LARP4: variants seen among roughly 807,000 people sequenced by gnomAD.
LARP4 encodes La ribonucleoprotein 4.
LARP4 carries 29 observed loss-of-function variants against 92.9 expected under a neutral mutation model. The ratio of observed to expected loss-of-function variants is 0.31; its 90% CI spans 0.23 to 0.43. The LOEUF (loss-of-function observed/expected upper bound fraction) is 0.43, where lower values mean the gene tolerates loss of function less well. Among genes scored for constraint, LARP4 ranks in the 20% least tolerant of loss-of-function variants. The probability of loss-of-function intolerance (pLI) is 1.00; values close to 1 mark genes in which losing one functional copy is unlikely to be tolerated. For synonymous variants in LARP4, 279 were observed against 284.1 expected (o/e 0.98, Z 0.18); for missense variants, 732 against 860.0 (o/e 0.85, Z 1.86).
chr12:50,456,632 G>A (rs1238059949), intron 10 of LARP4, among the ~76,000 whole-genome samples: 1 of 152,008 alleles, frequency 6.6e-6, no homozygotes, highest in Non-Finnish European at 1.5e-5. Flanking sequence ...AGAAATCCAG[G>A]CATTTTTCTA....
chr12:50,408,395 C>T lies in LARP4; in HGVS notation c.18+7367C>T, dbSNP rs575410132. Among the ~76,000 whole-genome samples the T allele has an allele frequency of 5.9e-5, 9 of 151,948 alleles. No individual in the cohort carries two copies. The South Asian group carries it at 1.9e-3, about 32-fold the overall frequency. On this transcript the variant is annotated intron_variant, in intron 1 of 15. Coordinates refer to ENST00000398473, the MANE Select transcript of LARP4 (RefSeq NM_052879.5). ...TATTTTTAGTAGAGACAGGGATTCT[C>T]CATGTTGGTCAGGCTGGTCTCGAAC... is the stretch of plus-strand genomic sequence containing the variant.
intron 3 of LARP4, 130 bp from the exon 4 acceptor site, chr12:50,430,365 C>T (rs1949462057): frequency 1.7e-6 from 1 of 579,866 alleles, no homozygotes; most frequent in Non-Finnish European, 3.1e-6. Context: ...CCCTGTTTCT[C>T]TGAAACAATA....
At chr12:50,451,865 G>A (rs116576704) in intron 8 of LARP4, among the ~76,000 whole-genome samples, 1,961 of 151,668 alleles carry the variant, frequency 0.013, 45 homozygotes, top group African/African-American at 0.043. Flanking sequence ...TCAGCCGGGC[G>A]TGTTGGTGGG....
At chr12:50,423,318 A>G (rs1331404880) in intron 1 of LARP4, among the ~76,000 whole-genome samples, 2 of 152,216 alleles carry the variant, frequency 1.3e-5, no homozygotes, top group East Asian at 1.9e-4. Flanking sequence ...CTATGACATA[A>G]TAGTTTACAT....
chr12:50,458,729 C>T (rs1241637459), intron 10 of LARP4, among the ~76,000 whole-genome samples: 1 of 152,136 alleles, frequency 6.6e-6, no homozygotes, highest in Non-Finnish European at 1.5e-5. Context: ...GGTGTTTTTG[C>T]TACTGATTAA....
At chr12:50,415,803 C>T (rs1319694921) in intron 1 of LARP4, 5 of 150,946 alleles carry the variant, frequency 3.3e-5, no homozygotes. Context: ...TTCCTCCTGT[C>T]TCAGCTCTCC....
At chr12:50,457,354 A>G (rs1228708411) in intron 10 of LARP4, among the ~76,000 whole-genome samples, 1 of 151,584 alleles carries the variant, frequency 6.6e-6, no homozygotes, top group Non-Finnish European at 1.5e-5. Context: ...TTACAGACGC[A>G]TGCCACCACG....
At chr12:50,462,000 C>A (rs1484472597) in intron 11 of LARP4, among the ~76,000 whole-genome samples, 1 of 152,040 alleles carries the variant, frequency 6.6e-6, no homozygotes, top group South Asian at 2.1e-4. Flanking sequence ...ATATTGCCAA[C>A]TTGCCTAATT....
intron 13 of LARP4, among the ~76,000 whole-genome samples, chr12:50,468,239 A>C (rs1956426013): frequency 6.6e-6 from 1 of 152,082 alleles, no homozygotes; most frequent in Non-Finnish European, 1.5e-5. Context: ...CGGCCTCCCA[A>C]AGTGCTGGAA....
In LARP4 at chr12:50,446,329, G is replaced by C. The variant is rs1341092871; in HGVS notation, c.804+4686G>C. 3.6e-5 allele frequency among the ~76,000 whole-genome samples: 2 copies of C among 55,448 alleles called. 1 individual carries two copies. The highest frequency in any genetic ancestry group is 1.5e-3 in the East Asian group (2 of 1,330). The allele number at this position is 55,448 out of a possible 152,430, so 36.4% of individuals were successfully genotyped here. ...CCAATTGCTGTTTTCTTGACTAGTG[G>C]TCTCTCTCTCTCCCTCTCTCTCTCT... On this transcript the variant is annotated intron_variant, in intron 8 of 15. Coordinates refer to ENST00000398473, the MANE Select transcript of LARP4 (RefSeq NM_052879.5).
intron 6 of LARP4, among the ~76,000 whole-genome samples, chr12:50,439,896 A>G (rs1240241972): frequency 1.3e-5 from 2 of 152,098 alleles, no homozygotes; most frequent in Admixed American, 1.3e-4. Flanking sequence ...TATACTAATT[A>G]CGGAAAAGAG....
chr12:50,411,589 A>G (rs985172789), intron 1 of LARP4, among the ~76,000 whole-genome samples: 2 of 152,132 alleles, frequency 1.3e-5, no homozygotes, highest in South Asian at 4.2e-4. Context: ...TCAGCCTCCC[A>G]AAGTACTGGG....
At position 50,473,682 on chromosome 12, in the gene LARP4, A is replaced by G. The variant is rs567940702; in HGVS notation, c.1667+146A>G. 8 of 678,700 alleles carry G rather than the reference A, an allele frequency of 1.2e-5. No homozygotes were observed. The African/African-American group carries it at 1.3e-4, about 11-fold the overall frequency. The allele number at this position is 678,700 out of a possible 1,614,324, so 42.0% of individuals were successfully genotyped here. ...GGAGTTCAAGACCAGTCTGGCCAACATGGTGAAACCCCGTCTCTACTAAAA... is the reference window on the plus strand; with the variant it reads ...GGAGTTCAAGACCAGTCTGGCCAACGTGGTGAAACCCCGTCTCTACTAAAA... On this transcript the variant is annotated intron_variant, in intron 14 of 15. Coordinates refer to ENST00000398473, the MANE Select transcript of LARP4 (RefSeq NM_052879.5).
At chr12:50,433,980 G>A (rs1183367379) in intron 4 of LARP4, among the ~76,000 whole-genome samples, 3 of 152,182 alleles carry the variant, frequency 2.0e-5, no homozygotes, top group African/African-American at 7.2e-5. Context: ...CTTTGAGCCT[G>A]CTCCTTGCCA....
chr12:50,435,673 T>A (rs950341361), intron 5 of LARP4, 49 bp downstream of exon 5: 1 of 1,380,002 alleles, frequency 7.2e-7, no homozygotes, highest in African/African-American at 1.5e-5. Context: ...AAACGTAAAA[T>A]GTTATTTCGA....
At chr12:50,415,490 G>A (rs907075884) in intron 1 of LARP4, among the ~76,000 whole-genome samples, 17 of 152,142 alleles carry the variant, frequency 1.1e-4, no homozygotes, top group Admixed American at 3.9e-4. Context: ...ATAATCCTCC[G>A]ATATTTGGAT....
At chr12:50,466,905 A>T (rs1593418144) in intron 12 of LARP4, 54 bp from the exon 13 acceptor site, 1 of 1,506,712 alleles carries the variant, frequency 6.6e-7, no homozygotes, top group East Asian at 2.3e-5. Context: ...TCTGTGACAC[A>T]GGATTAGGGA....
intron 14 of LARP4, among the ~76,000 whole-genome samples, 191 bp downstream of exon 14, chr12:50,473,727 G>A (rs1426275153): frequency 2.0e-5 from 3 of 147,856 alleles, no homozygotes; most frequent in South Asian, 2.2e-4. Flanking sequence ...TTAGCTGGGC[G>A]TGTTGGCAGG....
At chr12:50,450,946 G>T (rs1953083015) in intron 8 of LARP4, among the ~76,000 whole-genome samples, 1 of 152,096 alleles carries the variant, frequency 6.6e-6, no homozygotes, top group East Asian at 1.9e-4. Flanking sequence ...ACTGGTGATG[G>T]ACTGTTGGGT....
Sources: allele counts gnomAD v4.1 joint callset (sites outside exome capture counted in the v4.1 genomes callset), GRCh38; gene constraint gnomAD v4.1.1; transcripts MANE v1.5; gene names NCBI Gene and HGNC (gene_info 2026-07-23, HGNC 2026-07-21).